WDR17: variants seen among roughly 807,000 people sequenced by gnomAD.
The protein encoded by WDR17 is WD repeat-containing protein 17.
WDR17 carries 143 observed loss-of-function variants against 161.7 expected under a neutral mutation model. That is an observed-to-expected ratio of 0.88 (90% confidence interval 0.77 to 1.02). The LOEUF is 1.02. WDR17 is among the 50% of genes least tolerant of loss of function. WDR17 has a pLI of 0.00. For missense variants in WDR17, 1,469 were observed against 1,520.9 expected (o/e 0.97, Z 0.57); for synonymous variants, 517 against 515.6 (o/e 1.00, Z -0.04).
chr4:176,162,219 A>G (rs765865560), intron 21 of WDR17, 45 bp downstream of exon 21: 5 of 1,559,058 alleles, frequency 3.2e-6, no homozygotes, highest in Non-Finnish European at 4.4e-6. Context: ...AGTTTTTTAG[A>G]TATGTCATGG....
chr4:176,084,690 T>C (rs1735193981), intron 1 of WDR17, among the ~76,000 whole-genome samples: 1 of 150,216 alleles, frequency 6.7e-6, no homozygotes, highest in Non-Finnish European at 1.5e-5. Context: ...TTTAATACTT[T>C]ACTTTTGTAT....
Position 176,179,441 on chromosome 4 carries a change from C to A in WDR17, c.3733-19C>A. 1.3e-6 allele frequency: 2 copies of A among 1,499,776 alleles called. No individual in the cohort carries two copies. The highest frequency in any genetic ancestry group is 1.8e-6 in the Non-Finnish European group (2 of 1,125,076). The allele number at this position is 1,499,776 out of a possible 1,614,324, so 92.9% of individuals were successfully genotyped here. A position where few individuals can be genotyped will look rare whatever the true frequency, so the allele number is the denominator to read the frequency against. On this transcript the variant is annotated intron_variant, in intron 28 of 28. Coordinates refer to ENST00000508596, the MANE Select transcript of WDR17 (RefSeq NM_181265.4). Reference sequence around the variant, plus strand: ...AATTTATAATCTCATCTTCTCTTTCCTCAACTCTCACTGTGCAGGGCCCTG... The same window carrying A: ...AATTTATAATCTCATCTTCTCTTTCATCAACTCTCACTGTGCAGGGCCCTG...
chr4:176,152,107 C>G, intron 17 of WDR17, 140 bp downstream of exon 17: 1 of 718,884 alleles, frequency 1.4e-6, no homozygotes, highest in Non-Finnish European at 2.1e-6. Flanking sequence ...CCCAGGAGTT[C>G]GATACTAGCC....
intron 1 of WDR17, among the ~76,000 whole-genome samples, chr4:176,100,244 A>G (rs935380840): frequency 6.6e-6 from 1 of 151,988 alleles, no homozygotes; most frequent in African/African-American, 2.4e-5. Context: ...ACCAACATCT[A>G]TTATTTCTGT....
chr4:176,092,247 A>T (rs1736220167), intron 1 of WDR17, among the ~76,000 whole-genome samples: 1 of 152,202 alleles, frequency 6.6e-6, no homozygotes, highest in South Asian at 2.1e-4. Context: ...AAGACCATTC[A>T]TCAAGACCAA....
In WDR17 at chr4:176,181,755, G is replaced by A. The variant is rs1477470772; in HGVS notation, c.*2176G>A. Reference sequence around the variant, plus strand: ...TACATACTTAAAAGGATATCATTAAGTATATAAACAATCATTACTTCTGTA... The same window carrying A: ...TACATACTTAAAAGGATATCATTAAATATATAAACAATCATTACTTCTGTA... On this transcript the variant is annotated 3_prime_UTR_variant, in exon 29 of 29. Coordinates refer to ENST00000508596, the MANE Select transcript of WDR17 (RefSeq NM_181265.4). 1.3e-5 allele frequency: 2 copies of A among 152,232 alleles called. No individual in the cohort carries two copies. The highest frequency in any genetic ancestry group is 4.8e-5 in the African/African-American group (2 of 41,390). The allele number at this position is 152,232 out of a possible 1,614,324, so 9.4% of individuals were successfully genotyped here.
At chr4:176,072,995 C>G (rs1385460193) in intron 1 of WDR17, among the ~76,000 whole-genome samples, 1 of 152,068 alleles carries the variant, frequency 6.6e-6, no homozygotes, top group East Asian at 1.9e-4. Context: ...TGTGCTCCCT[C>G]TTTTTAGCAA....
chr4:176,149,813 C>G lies in WDR17; in HGVS notation c.1904C>G (p.Thr635Ser). The change falls in exon 14 of 29, where the codon ACC becomes AGC. Residue 635 changes from threonine (T) to serine (S), a missense_variant. By Grantham distance (58) the Thr-to-Ser change is moderately conservative. Transcript: ENST00000508596. ...YDHGADVYGL[T>S]CHPSRPFTMA... ...AGGTTTTTATTTTCATCAGGTTTAACCTGCCATCCCAGTCGCCCCTTCACT... is the reference window on the plus strand; with the variant it reads ...AGGTTTTTATTTTCATCAGGTTTAAGCTGCCATCCCAGTCGCCCCTTCACT... 2 of 1,612,092 alleles carry G rather than the reference C, an allele frequency of 1.2e-6. No individual in the cohort carries two copies. Among genetic ancestry groups the G allele is most frequent in the African/African-American group, 2.7e-5 (2 of 74,920 alleles).
intron 1 of WDR17, among the ~76,000 whole-genome samples, chr4:176,085,296 G>A (rs567378324): frequency 3.2e-4 from 48 of 152,136 alleles, no homozygotes; most frequent in African/African-American, 1.1e-3. Context: ...TTGCTGTGTA[G>A]TTCCCTTCTT....
At chr4:176,130,598 A>C (rs1230514541) in intron 6 of WDR17, among the ~76,000 whole-genome samples, 1 of 151,564 alleles carries the variant, frequency 6.6e-6, no homozygotes, top group East Asian at 1.9e-4. Flanking sequence ...CAAAAAAATT[A>C]GCCGGGCGTG....
intron 28 of WDR17, 116 bp from the exon 29 acceptor site, chr4:176,179,344 T>C: frequency 8.6e-7 from 1 of 1,168,458 alleles, no homozygotes; most frequent in East Asian, 2.9e-5. Context: ...ATTTTTTTAT[T>C]AGCTTTGCCT....
At chr4:176,169,302 T>A (rs1038446200) in intron 23 of WDR17, among the ~76,000 whole-genome samples, 13 of 152,202 alleles carry the variant, frequency 8.5e-5, no homozygotes, top group Admixed American at 8.5e-4. Flanking sequence ...TGCATCAATA[T>A]TATATACAAA....
chr4:176,111,988 A>G (rs886946026), intron 2 of WDR17, among the ~76,000 whole-genome samples: 16 of 152,198 alleles, frequency 1.1e-4, no homozygotes, highest in African/African-American at 3.1e-4. Context: ...TAGGACAGAC[A>G]TATATTGTGA....
chr4:176,087,563 A>T (rs748758166), intron 1 of WDR17, among the ~76,000 whole-genome samples: 1 of 151,964 alleles, frequency 6.6e-6, no homozygotes, highest in East Asian at 1.9e-4. Context: ...CTCATTCTTT[A>T]TCTCTCTTTG....
At chr4:176,145,058 T>C (rs917654315) in intron 11 of WDR17, among the ~76,000 whole-genome samples, 2 of 152,112 alleles carry the variant, frequency 1.3e-5, no homozygotes, top group African/African-American at 2.4e-5. Flanking sequence ...TAAATAAATA[T>C]AAGTATTATA....
In WDR17 at chr4:176,145,975, T is replaced by G; in HGVS notation, c.1530-20T>G. ...ATATCATATTTATCCTATGTCAATA[T>G]TCCATTGATGATATTTCAGAGACAT... On this transcript the variant is annotated intron_variant, in intron 11 of 28. Coordinates refer to ENST00000508596, the MANE Select transcript of WDR17 (RefSeq NM_181265.4). 1 of 1,600,500 alleles carries G rather than the reference T, an allele frequency of 6.2e-7. No homozygotes were observed. The highest frequency in any genetic ancestry group is 8.6e-7 in the Non-Finnish European group (1 of 1,168,868).
intron 1 of WDR17, 50 bp from the exon 2 acceptor site, chr4:176,111,525 G>T: frequency 6.3e-7 from 1 of 1,575,810 alleles, no homozygotes; most frequent in Non-Finnish European, 8.6e-7. Flanking sequence ...CAATGAGGAA[G>T]TTTATCAATA....
intron 1 of WDR17, among the ~76,000 whole-genome samples, chr4:176,104,864 A>G (rs77333129): frequency 0.012 from 1,768 of 152,166 alleles, 19 homozygotes; most frequent in Non-Finnish European, 0.019. Flanking sequence ...GAATAGCAAA[A>G]TGACAGAAGT....
At position 176,172,428 on chromosome 4, in the gene WDR17, A is replaced by G. The variant is rs1407822639; in HGVS notation, c.3156A>G (p.Ala1052=). 1.2e-6 allele frequency: 2 copies of G among 1,612,128 alleles called. No homozygotes were observed. The highest frequency in any genetic ancestry group is 1.7e-6 in the Non-Finnish European group (2 of 1,179,490). Residue 1052 remains alanine, a synonymous_variant, in exon 24 of 29, where the codon GCA becomes GCG. Coordinates refer to ENST00000508596, the MANE Select transcript of WDR17 (RefSeq NM_181265.4). ...ECMQLAETAR[A]DDNIFETVKY... ...TGCAGTTAGCTGAGACAGCCCGTGCAGATGACAATATATTTGAAACTGTAA... is the reference window on the plus strand; with the variant it reads ...TGCAGTTAGCTGAGACAGCCCGTGCGGATGACAATATATTTGAAACTGTAA...
Sources: gnomAD v4.1 joint callset for allele counts (sites outside exome capture counted in the v4.1 genomes callset) on GRCh38, gnomAD v4.1.1 for gene constraint, MANE v1.5 for transcripts, NCBI Gene and HGNC (gene_info 2026-07-23, HGNC 2026-07-21) for gene names.